SMCO4: variants seen among roughly 807,000 people sequenced by gnomAD.
SMCO4 encodes single-pass membrane and coiled-coil domain-containing protein 4.
In SMCO4, 4 loss-of-function variants were observed where a neutral mutation model predicts 3.6. That is an observed-to-expected ratio of 1.11 (90% CI 0.54 to 2.53). SMCO4 has a LOEUF of 2.53. Among genes scored for constraint, SMCO4 ranks in the 30% most tolerant of loss-of-function variants. SMCO4 has a pLI of 0.02. For missense variants in SMCO4, 70 were observed against 80.8 expected, an observed-to-expected ratio of 0.87 and a Z score of 0.51; for synonymous variants, 36 against 35.3, an observed-to-expected ratio of 1.02 and a Z score of -0.07.
chr11:93,540,236 A>G (rs966487323), intron 1 of SMCO4, among the ~76,000 whole-genome samples: 2 of 152,222 alleles, frequency 1.3e-5, no homozygotes, highest in African/African-American at 4.8e-5. Context: ...CATTGACCCA[A>G]GTACCTGTGT....
chr11:93,520,248 G>A (rs1051772010), intron 1 of SMCO4, among the ~76,000 whole-genome samples: 6 of 152,164 alleles, frequency 3.9e-5, no homozygotes, highest in African/African-American at 1.4e-4. Context: ...GCACAGCCAG[G>A]TGTATAATTC....
chr11:93,481,043 A>G (rs1948586859), intron 2 of SMCO4, among the ~76,000 whole-genome samples: 1 of 17,372 alleles, frequency 5.8e-5, no homozygotes, highest in African/African-American at 1.4e-4. Context: ...GAACAGAGAG[A>G]AAAAAAAAAA....
At chr11:93,545,688 G>A (rs1949311724), upstream of SMCO4, among the ~76,000 whole-genome samples, 1 of 151,928 alleles carries the variant, frequency 6.6e-6, no homozygotes, top group South Asian at 2.1e-4. Context: ...AAGTCTCAGA[G>A]GAAAAGTTTA....
chr11:93,491,775 G>A (rs1019461327), intron 2 of SMCO4, among the ~76,000 whole-genome samples: 1 of 152,192 alleles, frequency 6.6e-6, no homozygotes, highest in African/African-American at 2.4e-5. Flanking sequence ...CCCCCATGCT[G>A]GCATGCTGGT....
chr11:93,489,288 A>T (rs1304976363), intron 2 of SMCO4, among the ~76,000 whole-genome samples: 1 of 152,256 alleles, frequency 6.6e-6, no homozygotes, highest in African/African-American at 2.4e-5. Flanking sequence ...AGTGACTGGT[A>T]CATAGTAGGT....
chr11:93,503,876 G>A (rs1245083847), intron 1 of SMCO4, among the ~76,000 whole-genome samples: 3 of 152,170 alleles, frequency 2.0e-5, no homozygotes, highest in African/African-American at 7.2e-5. Flanking sequence ...ATGTATTACA[G>A]CAGCAACAGG....
intron 1 of SMCO4, among the ~76,000 whole-genome samples, chr11:93,536,580 A>C (rs1949227097): frequency 6.6e-6 from 1 of 152,186 alleles, no homozygotes; most frequent in African/African-American, 2.4e-5. Context: ...GGAAAACCAT[A>C]GTGTATTTGT....
chr11:93,497,724 T>C (rs1428976463), intron 2 of SMCO4, among the ~76,000 whole-genome samples: 1 of 152,228 alleles, frequency 6.6e-6, no homozygotes, highest in Non-Finnish European at 1.5e-5. Flanking sequence ...CTGAGCTTAT[T>C]TCCCAACTTT....
At chr11:93,540,020 T>A (rs959561711) in intron 1 of SMCO4, among the ~76,000 whole-genome samples, 3 of 152,086 alleles carry the variant, frequency 2.0e-5, no homozygotes, top group Non-Finnish European at 1.5e-5. Context: ...ACATCCATTT[T>A]CAACTTTCTA....
At chr11:93,510,711 C>T (rs1948949094) in intron 1 of SMCO4, among the ~76,000 whole-genome samples, 1 of 152,182 alleles carries the variant, frequency 6.6e-6, no homozygotes, top group Non-Finnish European at 1.5e-5. Flanking sequence ...CACTACCACA[C>T]TGCTCAGCCC....
At chr11:93,515,716 C>A (rs1379052819) in intron 1 of SMCO4, among the ~76,000 whole-genome samples, 1 of 152,208 alleles carries the variant, frequency 6.6e-6, no homozygotes, top group Non-Finnish European at 1.5e-5. Context: ...GCTTCACGTT[C>A]CCATTTCTCT....
In SMCO4 at chr11:93,478,712, A is replaced by AGCAC; in HGVS notation, c.*294_*297dup. The AGCAC allele has an allele frequency of 3.3e-6, 1 of 301,838 alleles. No individual in the cohort carries two copies. The highest frequency in any genetic ancestry group is 4.2e-6 in the Non-Finnish European group (1 of 235,498). 18.7% of individuals were successfully genotyped at this position (301,838 alleles called of 1,614,324 possible). A position where few individuals can be genotyped will look rare whatever the true frequency, so the allele number is the denominator to read the frequency against. The stretch of plus-strand genomic sequence containing the variant: ...TATCGATTTTTAGGAGAGAAAAAGA[A>AGCAC]GCACACACACACACACACACACACA... On this transcript the variant is annotated 3_prime_UTR_variant, in exon 3 of 3. Transcript: ENST00000298966.
At chr11:93,498,102 C>G (rs755629010) in intron 2 of SMCO4, among the ~76,000 whole-genome samples, 1 of 152,144 alleles carries the variant, frequency 6.6e-6, no homozygotes, top group Non-Finnish European at 1.5e-5. Context: ...AAGCCTCACA[C>G]TGAAGCCCAA....
At chr11:93,534,357 C>CATATATATAT (rs574528655) in intron 1 of SMCO4, among the ~76,000 whole-genome samples, 6 of 87,028 alleles carry the variant, frequency 6.9e-5, no homozygotes, top group East Asian at 8.1e-4. Flanking sequence ...TATACACATA[C>CATATATATAT]ATATATATAT....
intron 2 of SMCO4, 23 bp from the exon 3 acceptor site, chr11:93,479,292 A>G (rs2134562403): frequency 6.7e-7 from 1 of 1,483,606 alleles, no homozygotes; most frequent in Non-Finnish European, 8.9e-7. Context: ...CAACTGTGAT[A>G]GTAGAGAATA....
intron 2 of SMCO4, among the ~76,000 whole-genome samples, chr11:93,489,003 G>A (rs1255647247): frequency 6.6e-6 from 1 of 152,200 alleles, no homozygotes; most frequent in Non-Finnish European, 1.5e-5. Flanking sequence ...ATGACTTGCA[G>A]AGCAGTTTCA....
At position 93,493,077 on chromosome 11, in the gene SMCO4, C is replaced by T. The variant is rs551327212; in HGVS notation, c.-81+6199G>A. Among the ~76,000 whole-genome samples, 25 of 152,298 alleles carry T rather than the reference C, an allele frequency of 1.6e-4. No homozygotes were observed. The South Asian group carries it at 5.0e-3, about 30-fold the overall frequency. ...ATTAACAAAGTGATAAATATTTGAT[C>T]TTTAATTTAAATGTCCTCCTTTTTG... On this transcript the variant is annotated intron_variant, in intron 2 of 2. Transcript: ENST00000298966.
intron 1 of SMCO4, among the ~76,000 whole-genome samples, chr11:93,512,363 G>C (rs1948965547): frequency 6.6e-6 from 1 of 152,120 alleles, no homozygotes; most frequent in South Asian, 2.1e-4. Context: ...CGTGTTTGTG[G>C]TGATGCTGGC....
intron 2 of SMCO4, among the ~76,000 whole-genome samples, chr11:93,492,154 G>A (rs563494195): frequency 6.6e-6 from 1 of 152,294 alleles, no homozygotes; most frequent in South Asian, 2.1e-4. Context: ...AGAGACAGGC[G>A]AGTAAGCTCC....
Sources: gnomAD v4.1 joint callset for allele counts (sites outside exome capture counted in the v4.1 genomes callset) on GRCh38, gnomAD v4.1.1 for gene constraint, MANE v1.5 for transcripts, NCBI Gene and HGNC (gene_info 2026-07-23, HGNC 2026-07-21) for gene names.